The following CLASP1 variants were observed in gnomAD, a reference collection of about 807,000 sequenced individuals.
CLASP1 encodes cytoplasmic linker associated protein 1, also known as CLIP-associating protein 1.
In CLASP1, 38 loss-of-function variants were observed where a neutral mutation model predicts 192.3. The ratio of observed to expected loss-of-function variants is 0.20; its 90% CI spans 0.15 to 0.26. CLASP1 has a LOEUF of 0.26. Ranked by LOEUF, CLASP1 falls within the 10% of genes least tolerant of loss-of-function variation. The pLI, the probability that CLASP1 is intolerant of heterozygous loss-of-function variation, is 1.00. For synonymous variants in CLASP1, 691 were observed against 712.8 expected (o/e 0.97, Z 0.49); for missense variants, 1,433 against 1,932.5 (o/e 0.74, Z 4.85).
At chr2:121,474,571 C>A (rs543389273) in intron 8 of CLASP1, among the ~76,000 whole-genome samples, 4 of 152,104 alleles carry the variant, frequency 2.6e-5, no homozygotes, top group Non-Finnish European at 1.5e-5. Context: ...CCCGTCTCTA[C>A]TAAACATACA....
At position 121,442,482 on chromosome 2, in the gene CLASP1, T is replaced by TC. The variant is rs533337584; in HGVS notation, c.1912+4854_1912+4855insG. Among the ~76,000 whole-genome samples, 632 of 137,414 alleles carry TC rather than the reference T, an allele frequency of 4.6e-3. 3 individuals carry two copies. The highest frequency in any genetic ancestry group is 0.016 in the African/African-American group (613 of 37,370). 90.1% of individuals were successfully genotyped at this position (137,414 alleles called of 152,430 possible). On this transcript the variant is annotated intron_variant, in intron 19 of 39. Transcript: ENST00000263710. ...CAAACGTACTGCCTAAATTTCTTTCTTTTTTTTTTTTTGAGACGGAGTCTC... is the reference window on the plus strand; with the variant it reads ...CAAACGTACTGCCTAAATTTCTTTCTCTTTTTTTTTTTTGAGACGGAGTCTC...
At chr2:121,577,696 G>A (rs1379294594) in intron 2 of CLASP1, among the ~76,000 whole-genome samples, 4 of 152,124 alleles carry the variant, frequency 2.6e-5, no homozygotes, top group African/African-American at 4.8e-5. Flanking sequence ...TTAAAATGAG[G>A]TTGAAAATAT....
At chr2:121,524,490 TG>T (rs1220301548) in intron 6 of CLASP1, among the ~76,000 whole-genome samples, 1 of 151,940 alleles carries the variant, frequency 6.6e-6, no homozygotes, top group Non-Finnish European at 1.5e-5. Context: ...AAAGTCTTGC[TG>T]GGTTGCCCAG....
At position 121,645,936 on chromosome 2, in the gene CLASP1, C is replaced by T. The variant is rs6721299; in HGVS notation, c.-286+3436G>A. Among the ~76,000 whole-genome samples the T allele has an allele frequency of 7.1e-3, 1,080 of 152,278 alleles. 13 individuals are homozygous for T. Among genetic ancestry groups the T allele is most frequent in the African/African-American group, 0.024 (991 of 41,528 alleles). On this transcript the variant is annotated intron_variant, in intron 1 of 39. Coordinates refer to ENST00000263710, the Ensembl canonical transcript of CLASP1. Reference sequence around the variant, plus strand: ...GCTAGAAACAAGCAGTAAATGCCAGCATTTTAGAGGTCATTTAGTCAAACA... The same window carrying T: ...GCTAGAAACAAGCAGTAAATGCCAGTATTTTAGAGGTCATTTAGTCAAACA...
chr2:121,436,806 G>C (rs2082385372), intron 19 of CLASP1, among the ~76,000 whole-genome samples: 1 of 152,022 alleles, frequency 6.6e-6, no homozygotes, highest in Non-Finnish European at 1.5e-5. Context: ...ACTCCCATTA[G>C]ACATGTTAAA....
chr2:121,340,841 A>G (rs1329390790), exon 40 of CLASP1: 3 of 1,598,130 alleles, frequency 1.9e-6, no homozygotes, highest in Admixed American at 3.4e-5. Flanking sequence ...CTAGGTCTAC[A>G]CAAGAGACAG....
At chr2:121,421,623 A>T (rs577108000) in intron 22 of CLASP1, among the ~76,000 whole-genome samples, 2 of 152,024 alleles carry the variant, frequency 1.3e-5, no homozygotes, top group African/African-American at 4.8e-5. Flanking sequence ...GCTCACTGCA[A>T]CCTCCGCCTT....
At chr2:121,511,157 T>C (rs2094123287) in intron 7 of CLASP1, among the ~76,000 whole-genome samples, 2 of 152,236 alleles carry the variant, frequency 1.3e-5, no homozygotes, top group Non-Finnish European at 2.9e-5. Flanking sequence ...AAGGTAATCA[T>C]AGTTTACCAA....
At chr2:121,351,926 C>A (rs72965500) in intron 37 of CLASP1, among the ~76,000 whole-genome samples, 5,834 of 152,320 alleles carry the variant, frequency 0.038, 159 homozygotes, top group East Asian at 0.14. Flanking sequence ...TCTGTGTGTA[C>A]GTTTGTTCAC....
chr2:121,478,559 C>T (rs999055759), intron 8 of CLASP1, among the ~76,000 whole-genome samples: 3 of 149,894 alleles, frequency 2.0e-5, no homozygotes, highest in African/African-American at 7.4e-5. Context: ...TGAGATTGCG[C>T]CACTGCACTC....
intron 17 of CLASP1, 146 bp downstream of exon 17, chr2:121,448,807 T>C: frequency 2.7e-6 from 2 of 745,612 alleles, no homozygotes; most frequent in East Asian, 2.7e-5. Context: ...CATGGTGGTA[T>C]CTTACTTTGC....
chr2:121,435,428 C>T (rs1291683492), intron 19 of CLASP1, among the ~76,000 whole-genome samples: 1 of 152,128 alleles, frequency 6.6e-6, no homozygotes, highest in East Asian at 1.9e-4. Context: ...GCATGTGCCA[C>T]CACGACCGGC....
At chr2:121,569,709 T>C (rs763237859) in intron 2 of CLASP1, among the ~76,000 whole-genome samples, 2 of 151,988 alleles carry the variant, frequency 1.3e-5, no homozygotes, top group African/African-American at 4.8e-5. Context: ...GGCGTGGTGG[T>C]GCGTGCCTGT....
intron 8 of CLASP1, among the ~76,000 whole-genome samples, chr2:121,495,952 G>C (rs1414763285): frequency 1.3e-5 from 2 of 152,120 alleles, no homozygotes; most frequent in Non-Finnish European, 2.9e-5. Flanking sequence ...GAGCAAATGT[G>C]GTTCACAAGA....
intron 1 of CLASP1, among the ~76,000 whole-genome samples, chr2:121,631,864 T>C (rs570103752): frequency 3.9e-5 from 6 of 151,920 alleles, no homozygotes; most frequent in South Asian, 2.1e-4. Context: ...CTGGTCAACA[T>C]GGTGAAACCC....
rs765858071 is a variant in CLASP1, at chr2:121,387,942, A to G, written c.3124-36T>C. 4.7e-6 allele frequency: 7 copies of G among 1,479,314 alleles called. No homozygotes were observed. The African/African-American group carries it at 5.6e-5, about 12-fold the overall frequency. The allele number at this position is 1,479,314 out of a possible 1,614,324, so 91.6% of individuals were successfully genotyped here. On this transcript the variant is annotated intron_variant, in intron 30 of 39. Transcript: ENST00000263710. ...GAACCATGATTAATTTATGTAATGT[A>G]CAATAGGTCATCAAAATGTTGATTA...
chr2:121,640,284 G>A (rs558020031), intron 1 of CLASP1, among the ~76,000 whole-genome samples: 25 of 152,160 alleles, frequency 1.6e-4, no homozygotes, highest in Non-Finnish European at 3.4e-4. Context: ...ACAGGCTGAT[G>A]GGTGCAGCGG....
rs143895549 is a variant in CLASP1, at chr2:121,562,102, C to T, written c.196-31777G>A. On this transcript the variant is annotated intron_variant, in intron 2 of 39. Coordinates refer to ENST00000263710, the Ensembl canonical transcript of CLASP1. Reference sequence around the variant, plus strand: ...TGTTCCTACAGGTTGCAACATAAAACGGATTTCTCACTATGAACCTTAGAG... The same window carrying T: ...TGTTCCTACAGGTTGCAACATAAAATGGATTTCTCACTATGAACCTTAGAG... 2.1e-3 allele frequency among the ~76,000 whole-genome samples: 315 copies of T among 152,300 alleles called. 1 individual carries two copies. Among genetic ancestry groups the T allele is most frequent in the African/African-American group, 7.2e-3 (300 of 41,564 alleles).
chr2:121,608,453 A>T (rs1165536660), intron 1 of CLASP1, among the ~76,000 whole-genome samples: 3 of 152,198 alleles, frequency 2.0e-5, no homozygotes. Flanking sequence ...TTGCCCTCTT[A>T]GAATGCTGCC....
Sources: allele counts gnomAD v4.1 joint callset (sites outside exome capture counted in the v4.1 genomes callset), GRCh38; gene constraint gnomAD v4.1.1; transcripts MANE v1.5; gene names NCBI Gene and HGNC (gene_info 2026-07-23, HGNC 2026-07-21).